Variants in ZNF395 observed in about 807,000 individuals in gnomAD.
ZNF395 encodes zinc finger protein 395, also known as HD gene regulatory region-binding protein 2.
In ZNF395, 20 loss-of-function variants were observed where a neutral mutation model predicts 57.7. The ratio of observed to expected loss-of-function variants is 0.35; its 90% CI spans 0.24 to 0.50. The LOEUF (loss-of-function observed/expected upper bound fraction) is 0.50, where lower values mean the gene tolerates loss of function less well. ZNF395 is among the 20% of genes least tolerant of loss of function. The probability of loss-of-function intolerance (pLI) is 0.97; values close to 1 mark genes in which losing one functional copy is unlikely to be tolerated. For synonymous variants in ZNF395, 295 were observed against 275.9 expected (o/e 1.07, Z -0.69); for missense variants, 606 against 671.2 (o/e 0.90, Z 1.07).
chr8:28,377,554 T>A (rs1046590467), intron 1 of ZNF395, among the ~76,000 whole-genome samples: 2 of 152,084 alleles, frequency 1.3e-5, no homozygotes, highest in African/African-American at 4.8e-5. Flanking sequence ...GATGGCTCCA[T>A]CTCATCACTG....
chr8:28,351,722 C>G lies in ZNF395; in HGVS notation c.1006G>C (p.Ala336Pro), dbSNP rs1418731345. 1 of 1,607,540 alleles carries G rather than the reference C, an allele frequency of 6.2e-7. No homozygotes were observed. Among genetic ancestry groups the G allele is most frequent in the African/African-American group, 1.3e-5 (1 of 74,914 alleles). Residue 336 changes from alanine (A) to proline (P), a missense_variant, in exon 7 of 10, where the codon GCT (alanine) becomes CCT (proline). This residue lies in a region of ZNF395 where 261 missense variants were observed against 240.3 expected (regional missense o/e 1.09). Transcript: ENST00000344423. Reference sequence around the variant, plus strand: ...GGGGTGCCTGCGGCAGCAGCAGCAGCAGCAGCAGCAGATTCCTCCTTCAGC... The same window carrying G: ...GGGGTGCCTGCGGCAGCAGCAGCAGGAGCAGCAGCAGATTCCTCCTTCAGC... ...VQLKEESAAA[A>P]AAAAAGTPVP...
At chr8:28,378,908 A>G (rs1389795255) in intron 1 of ZNF395, among the ~76,000 whole-genome samples, 1 of 152,216 alleles carries the variant, frequency 6.6e-6, no homozygotes, top group African/African-American at 2.4e-5. Flanking sequence ...ATCCTTTTTC[A>G]TATTGAACTG....
At position 28,348,640 on chromosome 8, in the gene ZNF395, G is replaced by A; in HGVS notation, c.*79C>T. Reference sequence around the variant, plus strand: ...TTCCGTTCTTTCTCTTTCGGTTTCTGCTGAGGGCTGGTGACACACTGGCCT... The same window carrying A: ...TTCCGTTCTTTCTCTTTCGGTTTCTACTGAGGGCTGGTGACACACTGGCCT... On this transcript the variant is annotated 3_prime_UTR_variant, in exon 10 of 10. Transcript: ENST00000344423. 2.3e-6 allele frequency: 3 copies of A among 1,308,176 alleles called. No homozygotes were observed. The highest frequency in any genetic ancestry group is 2.4e-5 in the South Asian group (2 of 84,240). The allele number at this position is 1,308,176 out of a possible 1,614,324, so 81.0% of individuals were successfully genotyped here.
At chr8:28,370,095 T>C (rs529862508) in intron 1 of ZNF395, among the ~76,000 whole-genome samples, 1 of 152,356 alleles carries the variant, frequency 6.6e-6, no homozygotes, top group South Asian at 2.1e-4. Context: ...GCCTGATTTT[T>C]AAAAAGGGGG....
At chr8:28,372,022 GAC>G (rs1801983027) in intron 1 of ZNF395, among the ~76,000 whole-genome samples, 1 of 151,854 alleles carries the variant, frequency 6.6e-6, no homozygotes, top group South Asian at 2.1e-4. Context: ...TAGCCTGGGT[GAC>G]AGAGTGAGAC....
chr8:28,367,590 C>T (rs1801926178), intron 1 of ZNF395, among the ~76,000 whole-genome samples: 2 of 152,196 alleles, frequency 1.3e-5, no homozygotes, highest in Non-Finnish European at 2.9e-5. Context: ...GGAAAAAATA[C>T]ACTTCCCCTT....
intron 1 of ZNF395, among the ~76,000 whole-genome samples, chr8:28,379,395 T>C (rs928776398): frequency 6.6e-6 from 1 of 152,198 alleles, no homozygotes; most frequent in Non-Finnish European, 1.5e-5. Flanking sequence ...CTAAGCTCAG[T>C]GGCCCATGTG....
rs183589607 is a variant in ZNF395 at position 28,359,418 on chromosome 8, G to T, written c.473+174C>A. Among the ~76,000 whole-genome samples the T allele has an allele frequency of 1.2e-3, 181 of 152,230 alleles. No homozygotes were observed. Among genetic ancestry groups the T allele is most frequent in the Middle Eastern group, 0.01 (3 of 294 alleles). ...CTCCGTCTCAAAAAAAGAAAGAAAAGATGCCACTCTGGTTTTCTTAAAAGA... is the reference window on the plus strand; with the variant it reads ...CTCCGTCTCAAAAAAAGAAAGAAAATATGCCACTCTGGTTTTCTTAAAAGA... On this transcript the variant is annotated intron_variant, in intron 3 of 9. Coordinates refer to ENST00000344423, the MANE Select transcript of ZNF395 (RefSeq NM_018660.3). This position sits in a 1 kb window ranked among gnomAD's most constrained non-coding sequence, Gnocchi z 4.7.
At chr8:28,372,306 G>A (rs1273728348) in intron 1 of ZNF395, among the ~76,000 whole-genome samples, 1 of 152,170 alleles carries the variant, frequency 6.6e-6, no homozygotes, top group African/African-American at 2.4e-5. Flanking sequence ...GAAAATGCAT[G>A]TTGGATACTG....
At chr8:28,366,076 G>T (rs1801906906) in intron 1 of ZNF395, among the ~76,000 whole-genome samples, 1 of 152,180 alleles carries the variant, frequency 6.6e-6, no homozygotes, top group African/African-American at 2.4e-5. Flanking sequence ...AAGTCAAAGT[G>T]ATTCACTGCA....
At position 28,351,672 on chromosome 8, in the gene ZNF395, C is replaced by G. The variant is rs748018423; in HGVS notation, c.1056G>C (p.Glu352Asp). 2 of 1,612,640 alleles carry G rather than the reference C, an allele frequency of 1.2e-6. No individual in the cohort carries two copies. The highest frequency in any genetic ancestry group is 1.1e-5 in the South Asian group (1 of 91,090). ...CAGTCATGCTGGGGGTGGGAGCTGG[C>G]TCGGAGGTGGGAGTCCCAGGGACTG... ...GTPVPGTPTS[E>D]PAPTPSMTGL... is the part of the protein sequence containing the mutation. Residue 352 changes from glutamate to aspartate, a missense_variant, in exon 7 of 10, where the codon GAG (glutamate) becomes GAC (aspartate). Glu to Asp is a conservative substitution (Grantham distance 45, BLOSUM62 2). This residue lies in a region of ZNF395 where 261 missense variants were observed against 240.3 expected (regional missense o/e 1.09). Coordinates refer to ENST00000344423, the MANE Select transcript of ZNF395 (RefSeq NM_018660.3).
chr8:28,351,459 T>C, intron 7 of ZNF395, 36 bp downstream of exon 7: 1 of 1,547,074 alleles, frequency 6.5e-7, no homozygotes. Flanking sequence ...ATGAGTCAGC[T>C]ATGAGCCTGA....
chr8:28,370,163 G>T (rs1488165462), intron 1 of ZNF395, among the ~76,000 whole-genome samples: 2 of 151,770 alleles, frequency 1.3e-5, no homozygotes, highest in Non-Finnish European at 2.9e-5. Context: ...TTCCATTTTT[G>T]ACATCAGTTA....
chr8:28,358,142 C>CT (rs1166965241), intron 3 of ZNF395, among the ~76,000 whole-genome samples: 5 of 121,452 alleles, frequency 4.1e-5, no homozygotes, highest in East Asian at 2.4e-4. Flanking sequence ...GGGTTTTTTT[C>CT]TTTTTTTTCT....
intron 2 of ZNF395, among the ~76,000 whole-genome samples, chr8:28,360,427 G>T (rs375576505): frequency 3.9e-5 from 6 of 152,232 alleles, no homozygotes; most frequent in African/African-American, 1.4e-4. Flanking sequence ...CCCTGGCACA[G>T]GGGCAGGGAT....
chr8:28,372,956 A>C (rs1801994807), intron 1 of ZNF395, among the ~76,000 whole-genome samples: 1 of 152,228 alleles, frequency 6.6e-6, no homozygotes, highest in African/African-American at 2.4e-5. Flanking sequence ...GTAGAATGCC[A>C]ACTTGGTCAC....
At position 28,350,065 on chromosome 8, in the gene ZNF395, G is replaced by GGA; in HGVS notation, c.1323_1324dup (p.Pro442LeufsTer8). Reference sequence around the variant, plus strand: ...CAGCCGTGCTGCCCGCACACTCACCGGAGAGAGAGAGCAGGCGGCGGAGGG... The same window carrying GGA: ...CAGCCGTGCTGCCCGCACACTCACCGGAGAGAGAGAGAGCAGGCGGCGGAGGG... On this transcript the variant is annotated frameshift_variant and splice_region_variant, in exon 8 of 10. Transcript: ENST00000344423. LOFTEE classifies it high-confidence loss of function. 1.3e-6 allele frequency: 2 copies of GGA among 1,598,448 alleles called. No homozygotes were observed. The highest frequency in any genetic ancestry group is 1.3e-5 in the African/African-American group (1 of 74,584).
chr8:28,353,545 C>A, intron 4 of ZNF395, 137 bp from the exon 5 acceptor site: 1 of 649,634 alleles, frequency 1.5e-6, no homozygotes, highest in Non-Finnish European at 2.6e-6. Flanking sequence ...TCTACCCTCG[C>A]AGACATTTCC....
In ZNF395 at chr8:28,359,875, C is replaced by T; in HGVS notation, c.241-51G>A. ...TGGTCAGCCCTGGATGGGTCTCGCC[C>T]TGAAGTTCTCATGCACCCCACGTCC... is the stretch of plus-strand genomic sequence containing the variant. On this transcript the variant is annotated intron_variant, in intron 2 of 9. Coordinates refer to ENST00000344423, the MANE Select transcript of ZNF395 (RefSeq NM_018660.3). The surrounding 1 kb of genome is among the most constrained non-coding windows in gnomAD (Gnocchi z 4.7). 6.3e-7 allele frequency: 1 copy of T among 1,576,112 alleles called. No homozygotes were observed. The highest frequency in any genetic ancestry group is 8.7e-7 in the Non-Finnish European group (1 of 1,154,648).
Sources: allele counts gnomAD v4.1 joint callset (sites outside exome capture counted in the v4.1 genomes callset), GRCh38; gene constraint gnomAD v4.1.1; regional missense constraint gnomAD v4.1.1; non-coding constraint Gnocchi (gnomAD v3.1); transcripts MANE v1.5; gene names NCBI Gene and HGNC (gene_info 2026-07-23, HGNC 2026-07-21).